SMIM36: variants seen among roughly 807,000 people sequenced by gnomAD.
SMIM36 encodes small integral membrane protein 36.
intron 1 of SMIM36, among the ~76,000 whole-genome samples, chr17:55,509,359 A>G (rs1466723200): frequency 1.3e-5 from 2 of 152,198 alleles, no homozygotes; most frequent in East Asian, 3.8e-4. Context: ...CTCCTGTCCT[A>G]CCCTTCAAGA....
the SMIM36 span, among the ~76,000 whole-genome samples, chr17:55,521,740 G>C: frequency 4.6e-5 from 7 of 152,172 alleles, no homozygotes; most frequent in Admixed American, 4.6e-4. Context: ...TCAGGATGCT[G>C]AAAGCAATCC....
intron 1 of SMIM36, among the ~76,000 whole-genome samples, chr17:55,487,587 G>A (rs1909629462): frequency 6.6e-6 from 1 of 152,322 alleles, no homozygotes; most frequent in South Asian, 2.1e-4. Context: ...AACGGAGTGA[G>A]ATGGGGGAGG....
upstream of SMIM36, among the ~76,000 whole-genome samples, chr17:55,515,241 C>A (rs969800910): frequency 6.6e-6 from 1 of 152,014 alleles, no homozygotes; most frequent in Non-Finnish European, 1.5e-5. Flanking sequence ...CAAAAGTCCA[C>A]TTGTCCCTCA....
intron 4 of SMIM36, among the ~76,000 whole-genome samples, chr17:55,461,478 G>A (rs1438475417): frequency 1.3e-5 from 2 of 152,118 alleles, no homozygotes; most frequent in Non-Finnish European, 2.9e-5. Context: ...CAGGGACTGT[G>A]GTGGGGAAGA....
At chr17:55,480,935 A>G (rs1407066321) in intron 1 of SMIM36, among the ~76,000 whole-genome samples, 1 of 152,216 alleles carries the variant, frequency 6.6e-6, no homozygotes, top group Non-Finnish European at 1.5e-5. Context: ...ATAAACTGTC[A>G]TACTTTACTT....
chr17:55,464,686 C>T (rs528145626), intron 4 of SMIM36, among the ~76,000 whole-genome samples: 1 of 152,174 alleles, frequency 6.6e-6, no homozygotes, highest in Non-Finnish European at 1.5e-5. Context: ...ATAGGGATTA[C>T]ATAGTCACAA....
intron 3 of SMIM36, among the ~76,000 whole-genome samples, chr17:55,472,739 C>T (rs908978562): frequency 2.2e-4 from 33 of 151,774 alleles, no homozygotes; most frequent in African/African-American, 6.8e-4. Context: ...GGTGTGGTGG[C>T]GGACAACTGT....
At chr17:55,508,530 T>C (rs1445532791) in intron 1 of SMIM36, among the ~76,000 whole-genome samples, 1 of 148,958 alleles carries the variant, frequency 6.7e-6, no homozygotes, top group Non-Finnish European at 1.5e-5. Flanking sequence ...TCTTTCCCTT[T>C]CATGGGAATA....
At chr17:55,485,420 G>C (rs964396659) in intron 1 of SMIM36, among the ~76,000 whole-genome samples, 1 of 151,284 alleles carries the variant, frequency 6.6e-6, no homozygotes, top group Non-Finnish European at 1.5e-5. Context: ...TAAGTAGCTG[G>C]GACCACAGGT....
At position 55,493,838 on chromosome 17, in the gene SMIM36, G is replaced by T. The variant is rs187856040; in HGVS notation, c.*175-14258C>A. ...AAAAAAAAAAAAAAAAAAAAAAGCA[G>T]CAGCAGCTTGGGTAATTTGGAGCCA... is the stretch of plus-strand genomic sequence containing the variant. On this transcript the variant is annotated intron_variant, in intron 1 of 4. Transcript: ENST00000636752. Among the ~76,000 whole-genome samples the T allele has an allele frequency of 4.4e-3, 622 of 140,436 alleles. 5 individuals are homozygous for T. The highest frequency in any genetic ancestry group is 0.015 in the African/African-American group (587 of 38,436). The allele number at this position is 140,436 out of a possible 152,430, so 92.1% of individuals were successfully genotyped here.
At chr17:55,459,417 C>T (rs1442700083) in intron 4 of SMIM36, among the ~76,000 whole-genome samples, 1 of 152,012 alleles carries the variant, frequency 6.6e-6, no homozygotes, top group African/African-American at 2.4e-5. Context: ...GGTATATGTC[C>T]AATATGTGTG....
intron 1 of SMIM36, among the ~76,000 whole-genome samples, chr17:55,493,090 T>G (rs1322623535): frequency 6.6e-6 from 1 of 152,222 alleles, no homozygotes; most frequent in Non-Finnish European, 1.5e-5. Flanking sequence ...CCTGTTAAGC[T>G]TCCTGCTGCA....
upstream of SMIM36, among the ~76,000 whole-genome samples, chr17:55,513,605 C>T (rs985214520): frequency 1.3e-5 from 2 of 152,140 alleles, no homozygotes; most frequent in Non-Finnish European, 2.9e-5. Flanking sequence ...TTTGCCCACT[C>T]GGGACTCTAG....
chr17:55,500,679 T>C (rs1567870431), intron 1 of SMIM36, among the ~76,000 whole-genome samples: 1 of 147,790 alleles, frequency 6.8e-6, no homozygotes, highest in Non-Finnish European at 1.5e-5. Context: ...AATAAAATAT[T>C]CTTCTCTCTT....
chr17:55,480,435 G>A (rs1410164147), intron 1 of SMIM36, among the ~76,000 whole-genome samples: 1 of 152,074 alleles, frequency 6.6e-6, no homozygotes, highest in Non-Finnish European at 1.5e-5. Context: ...CAAACTTCTG[G>A]TTTCAATCTC....
intron 3 of SMIM36, among the ~76,000 whole-genome samples, chr17:55,477,356 C>T (rs1909442217): frequency 2.0e-5 from 3 of 152,210 alleles, no homozygotes; most frequent in Admixed American, 1.3e-4. Flanking sequence ...TGTTTACATT[C>T]AATTCTTGAG....
intron 1 of SMIM36, among the ~76,000 whole-genome samples, chr17:55,501,149 TTTATAATATATAATATATCTTATATA>T (rs1909937440): frequency 7.6e-5 from 2 of 26,146 alleles, no homozygotes; most frequent in Non-Finnish European, 2.5e-4. Flanking sequence ...TATCTTATAT[TTTATAATATATAATATATCTTATATA>T]TTATAATATA....
intron 1 of SMIM36, among the ~76,000 whole-genome samples, chr17:55,483,383 G>A (rs1373631355): frequency 1.3e-5 from 2 of 152,184 alleles, no homozygotes; most frequent in East Asian, 1.9e-4. Flanking sequence ...CTAGGCCACA[G>A]TACCCAGATA....
chr17:55,494,691 CACAT>C (rs777278031), intron 1 of SMIM36, among the ~76,000 whole-genome samples: 1 of 151,966 alleles, frequency 6.6e-6, no homozygotes. Context: ...AACACACACA[CACAT>C]ACACACTCAC....
Sources: gnomAD v4.1 joint callset for allele counts (sites outside exome capture counted in the v4.1 genomes callset) on GRCh38, gnomAD v4.1.1 for gene constraint, MANE v1.5 for transcripts, NCBI Gene and HGNC (gene_info 2026-07-23, HGNC 2026-07-21) for gene names.